The following FRMPD4 variants were observed in gnomAD, a reference collection of about 807,000 sequenced individuals.
FRMPD4 encodes FERM and PDZ domain-containing protein 4.
FRMPD4 carries 22 observed loss-of-function variants against 94.1 expected under a neutral mutation model. The observed-to-expected ratio is 0.23, with a 90% CI of 0.17 to 0.33. The LOEUF (loss-of-function observed/expected upper bound fraction) is 0.33. Among genes scored for constraint, FRMPD4 ranks in the 10% least tolerant of loss-of-function variants. The pLI is 1.00. For missense variants in FRMPD4, 1,111 were observed against 1,339.9 expected, an observed-to-expected ratio of 0.83 and a Z score of 2.67; for synonymous variants, 631 against 548.6, an observed-to-expected ratio of 1.15 and a Z score of -2.10.
chrX:12,647,336 G>C (rs1180819435), intron 4 of FRMPD4, among the ~76,000 whole-genome samples: 1 of 112,371 alleles, frequency 8.9e-6, no homozygotes, highest in African/African-American at 3.2e-5. Context: ...AATTGCCACT[G>C]TGGGCAACTG....
At chrX:12,296,553 A>T (rs1043821224) in intron 1 of FRMPD4, among the ~76,000 whole-genome samples, 8 of 112,076 alleles carry the variant, frequency 7.1e-5, no homozygotes, top group Non-Finnish European at 1.1e-4. Flanking sequence ...TGGGTAGATC[A>T]GCAATACAGA....
intron 3 of FRMPD4, among the ~76,000 whole-genome samples, chrX:12,068,582 A>G (rs376338099): frequency 3.6e-5 from 4 of 111,762 alleles, no homozygotes; most frequent in Non-Finnish European, 7.5e-5. Flanking sequence ...GCTGAAGTCT[A>G]TGTATGCAGT....
intron 3 of FRMPD4, among the ~76,000 whole-genome samples, chrX:11,980,941 C>CT (rs1345373031): frequency 2.7e-5 from 3 of 111,454 alleles, no homozygotes; most frequent in Non-Finnish European, 5.7e-5. Flanking sequence ...ACTACCGCCC[C>CT]TGGGCCATTG....
intron 1 of FRMPD4, among the ~76,000 whole-genome samples, chrX:12,289,439 C>G (rs1230634027): frequency 8.9e-6 from 1 of 112,134 alleles, no homozygotes; most frequent in African/African-American, 3.2e-5. Flanking sequence ...TCCAGTTGCT[C>G]TGTTGCACTA....
At chrX:12,542,980 A>C (rs1025317970) in intron 2 of FRMPD4, among the ~76,000 whole-genome samples, 11 of 112,058 alleles carry the variant, frequency 9.8e-5, no homozygotes, top group African/African-American at 1.9e-4. Flanking sequence ...CAAAAACAAG[A>C]AATGGGGAAA....
chrX:12,456,524 C>T (rs2057335392), intron 1 of FRMPD4, among the ~76,000 whole-genome samples: 1 of 111,853 alleles, frequency 8.9e-6, no homozygotes. Context: ...CTTCCTTCTT[C>T]CTCCCTCCCT....
chrX:11,947,715 C>T (rs764857990), intron 3 of FRMPD4, among the ~76,000 whole-genome samples: 13 of 111,407 alleles, frequency 1.2e-4, no homozygotes, highest in African/African-American at 3.9e-4. Context: ...CATTTGAACA[C>T]GTAAGGCTCT....
chrX:12,656,382 T>G (rs1452572929), intron 4 of FRMPD4, among the ~76,000 whole-genome samples: 1 of 112,156 alleles, frequency 8.9e-6, no homozygotes, highest in Non-Finnish European at 1.9e-5. Flanking sequence ...ATTTAATATA[T>G]TCACCAAAAG....
intron 3 of FRMPD4, among the ~76,000 whole-genome samples, chrX:11,894,876 A>G (rs761949444): frequency 1.8e-5 from 2 of 111,958 alleles, no homozygotes; most frequent in African/African-American, 6.5e-5. Context: ...AATTTAGAAG[A>G]GGGGACAGAC....
At chrX:12,007,024 C>T (rs994263710) in intron 3 of FRMPD4, among the ~76,000 whole-genome samples, 3 of 111,948 alleles carry the variant, frequency 2.7e-5, no homozygotes, top group African/African-American at 6.5e-5. Context: ...CTCTATGTCT[C>T]CTTACTTGAA....
In FRMPD4 at chrX:12,704,703, G is replaced by A. The variant is rs780770574; in HGVS notation, c.1197+218G>A. On this transcript the variant is annotated intron_variant, in intron 11 of 16. Coordinates refer to ENST00000675598, the MANE Select transcript of FRMPD4 (RefSeq NM_001368397.1). ...TTCTTTCTCACAAGTTATGGACTCC[G>A]TACTGTAGCAGGGAGGTATGTGTTC... Among the ~76,000 whole-genome samples the A allele has an allele frequency of 8.0e-5, 9 of 112,502 alleles. No homozygotes were observed. The East Asian group carries it at 1.4e-3, about 17-fold the overall frequency.
chrX:12,544,200 T>C (rs1213394527), intron 2 of FRMPD4, among the ~76,000 whole-genome samples: 14 of 110,458 alleles, frequency 1.3e-4, no homozygotes, highest in South Asian at 7.9e-4. Context: ...CAAACCTGCA[T>C]GTTGTGCACA....
chrX:11,934,816 T>C (rs1258196331), intron 3 of FRMPD4, among the ~76,000 whole-genome samples: 8 of 111,994 alleles, frequency 7.1e-5, no homozygotes, highest in Non-Finnish European at 1.5e-4. Context: ...GATGAAGGAA[T>C]GAATGATGTC....
intron 1 of FRMPD4, among the ~76,000 whole-genome samples, chrX:12,287,041 C>CAAGAG (rs904657790): frequency 1.8e-5 from 2 of 111,847 alleles, no homozygotes; most frequent in African/African-American, 6.5e-5. Context: ...GGGCAAGATG[C>CAAGAG]AAGAGAAGGT....
At chrX:12,707,409 C>A in intron 12 of FRMPD4, 60 bp from the exon 13 acceptor site, 1 of 874,525 alleles carries the variant, frequency 1.1e-6, no homozygotes, top group Admixed American at 3.0e-5. Context: ...ATCATAGGTT[C>A]AAGTTGGCAT....
At chrX:12,716,001 T>TGCCCCCCCCCCCC in intron 14 of FRMPD4, 68 bp from the exon 15 acceptor site, 1 of 231,656 alleles carries the variant, frequency 4.3e-6, no homozygotes, top group East Asian at 8.5e-5. Flanking sequence ...GAGACGAGCC[T>TGCCCCCCCCCCCC]CCCACCCCCG....
chrX:12,701,906 G>C lies in FRMPD4; in HGVS notation c.966G>C (p.Gly322=). Residue 322 remains glycine, a synonymous_variant, in exon 10 of 17, where the codon GGG becomes GGC. Transcript: ENST00000675598. ...SCNDVVQERF[G]PELKYDIALR... Reference sequence around the variant, plus strand: ...ACGATGTGGTTCAGGAGCGATTTGGGCCGGAGCTGAAATATGACATAGCCC... The same window carrying C: ...ACGATGTGGTTCAGGAGCGATTTGGCCCGGAGCTGAAATATGACATAGCCC... 8.3e-7 allele frequency: 1 copy of C among 1,211,117 alleles called. No individual in the cohort carries two copies. Among genetic ancestry groups the C allele is most frequent in the Non-Finnish European group, 1.1e-6 (1 of 894,456 alleles).
At chrX:12,650,207 A>G (rs2059583970) in intron 4 of FRMPD4, among the ~76,000 whole-genome samples, 1 of 112,209 alleles carries the variant, frequency 8.9e-6, no homozygotes, top group Non-Finnish European at 1.9e-5. Flanking sequence ...TTGGGTCTCT[A>G]GAGGAAACCC....
At chrX:11,978,490 T>TA (rs1224902095) in intron 3 of FRMPD4, among the ~76,000 whole-genome samples, 3 of 110,514 alleles carry the variant, frequency 2.7e-5, no homozygotes, top group African/African-American at 6.6e-5. Context: ...TTCGCCTGAT[T>TA]AAAAAAAACA....
Sources: allele counts gnomAD v4.1 joint callset (sites outside exome capture counted in the v4.1 genomes callset), GRCh38; gene constraint gnomAD v4.1.1; transcripts MANE v1.5; gene names NCBI Gene and HGNC (gene_info 2026-07-23, HGNC 2026-07-21).